Variants in HERC1 observed in about 807,000 individuals in gnomAD.
The protein encoded by HERC1 is HECT and RLD domain containing E3 ubiquitin protein ligase family member 1, also known as probable E3 ubiquitin-protein ligase HERC1.
A neutral mutation model predicts 554.3 loss-of-function variants in HERC1; 160 were observed. The observed-to-expected ratio is 0.29, with a 90% confidence interval of 0.25 to 0.33. The LOEUF (loss-of-function observed/expected upper bound fraction) is 0.33, where lower values mean the gene tolerates loss of function less well. Ranked by LOEUF, HERC1 falls within the 10% of genes least tolerant of loss-of-function variation. The pLI is 1.00. For synonymous variants in HERC1, 2,175 were observed against 2,131.7 expected (o/e 1.02, Z -0.56); for missense variants, 4,919 against 5,918.5 (o/e 0.83, Z 5.54).
chr15:63,721,872 G>A (rs1368141158), intron 19 of HERC1, among the ~76,000 whole-genome samples: 1 of 152,122 alleles, frequency 6.6e-6, no homozygotes, highest in East Asian at 1.9e-4. Context: ...GTTGTTGCTT[G>A]TTTTTTGAGG....
intron 1 of HERC1, among the ~76,000 whole-genome samples, chr15:63,829,823 G>A (rs933631212): frequency 6.6e-6 from 1 of 151,608 alleles, no homozygotes; most frequent in Non-Finnish European, 1.5e-5. Flanking sequence ...AAAGGGTAGA[G>A]GCCAACCTGA....
In HERC1 at chr15:63,674,828, T is replaced by TAC; in HGVS notation, c.7358_7359dup (p.Thr2454ValfsTer16). ...TCATTTTCTGATTTGGAGCTTGTGG[T>TAC]ACTCTGACTTTTGACGTCATCAGAT... On this transcript the variant is annotated frameshift_variant, in exon 38 of 78. Coordinates refer to ENST00000443617, the MANE Select transcript of HERC1 (RefSeq NM_003922.4). LOFTEE classifies it high-confidence loss of function. 6.2e-7 allele frequency: 1 copy of TAC among 1,613,912 alleles called. No homozygotes were observed. Among genetic ancestry groups the TAC allele is most frequent in the Non-Finnish European group, 8.5e-7 (1 of 1,179,824 alleles).
At chr15:63,744,475 C>G (rs1357200148) in intron 12 of HERC1, among the ~76,000 whole-genome samples, 1 of 152,156 alleles carries the variant, frequency 6.6e-6, no homozygotes, top group Non-Finnish European at 1.5e-5. Flanking sequence ...GAGGTGCCAT[C>G]TGGGAGTCAG....
At chr15:63,796,558 A>C (rs574524829) in intron 1 of HERC1, among the ~76,000 whole-genome samples, 38 of 152,348 alleles carry the variant, frequency 2.5e-4, no homozygotes, top group African/African-American at 8.2e-4. Flanking sequence ...TTATTTTGCC[A>C]AGGTTAAGGA....
At chr15:63,800,839 G>A (rs1218764969) in intron 1 of HERC1, among the ~76,000 whole-genome samples, 1 of 152,042 alleles carries the variant, frequency 6.6e-6, no homozygotes, top group African/African-American at 2.4e-5. Context: ...GTGACTCTTA[G>A]TGGGCCCTTA....
intron 26 of HERC1, 34 bp from the exon 27 acceptor site, chr15:63,696,373 C>T (rs2072413403): frequency 4.7e-6 from 7 of 1,484,522 alleles, no homozygotes; most frequent in Non-Finnish European, 4.6e-6. Context: ...GAGTTCTTCA[C>T]TTAACTCAGA....
chr15:63,764,689 A>AC (rs1013355912), intron 2 of HERC1, among the ~76,000 whole-genome samples: 1 of 152,004 alleles, frequency 6.6e-6, no homozygotes, highest in Non-Finnish European at 1.5e-5. Flanking sequence ...CAGTGTTACA[A>AC]CCCCCACCAC....
chr15:63,670,283 G>A (rs905325189), intron 39 of HERC1, among the ~76,000 whole-genome samples: 1 of 152,212 alleles, frequency 6.6e-6, no homozygotes, highest in African/African-American at 2.4e-5. Context: ...CGATGAGAAT[G>A]TGGAGCATGG....
At chr15:63,666,317 T>C (rs1389613246) in intron 41 of HERC1, 39 bp downstream of exon 41, 1 of 1,455,300 alleles carries the variant, frequency 6.9e-7, no homozygotes, top group Non-Finnish European at 9.6e-7. Context: ...CTAGGACTTC[T>C]CATATCTGTA....
chr15:63,695,815 G>A (rs1175156800), intron 27 of HERC1, among the ~76,000 whole-genome samples: 1 of 152,100 alleles, frequency 6.6e-6, no homozygotes, highest in Non-Finnish European at 1.5e-5. Context: ...AATCTAAAAC[G>A]TAAGCTCTTG....
chr15:63,710,417 T>C lies in HERC1; in HGVS notation c.4584+2358A>G, dbSNP rs1044964057. Among the ~76,000 whole-genome samples, 12 of 152,186 alleles carry C rather than the reference T, an allele frequency of 7.9e-5. 1 individual carries two copies. Among genetic ancestry groups the C allele is most frequent in the Admixed American group, 3.3e-4 (5 of 15,270 alleles). On this transcript the variant is annotated intron_variant, in intron 24 of 77. Coordinates refer to ENST00000443617, the MANE Select transcript of HERC1 (RefSeq NM_003922.4). ...TAAAGAAAGGAAAAAACCAAATGCA[T>C]GTGGAAATTTTGCCAAAATAGATTA... is the stretch of plus-strand genomic sequence containing the variant.
intron 1 of HERC1, among the ~76,000 whole-genome samples, chr15:63,829,499 T>TATAC (rs1336272062): frequency 5.6e-4 from 30 of 53,368 alleles, no homozygotes; most frequent in African/African-American, 1.5e-3. Flanking sequence ...TATATATATA[T>TATAC]ACACACACAC....
At chr15:63,759,417 A>C (rs532046315) in intron 3 of HERC1, among the ~76,000 whole-genome samples, 1 of 152,338 alleles carries the variant, frequency 6.6e-6, no homozygotes, top group African/African-American at 2.4e-5. Context: ...GCCTGCCAAA[A>C]GCATAGGACC....
intron 14 of HERC1, among the ~76,000 whole-genome samples, chr15:63,731,994 G>C (rs1231559251): frequency 4.0e-5 from 6 of 151,862 alleles, no homozygotes; most frequent in Admixed American, 3.9e-4. Context: ...GGGTCTGAAG[G>C]GTGGTGGTGG....
At chr15:63,643,783 A>T (rs2069186889) in intron 57 of HERC1, among the ~76,000 whole-genome samples, 1 of 152,102 alleles carries the variant, frequency 6.6e-6, no homozygotes, top group Admixed American at 6.6e-5. Flanking sequence ...CTAGTTTTCT[A>T]CTCTTCAAAC....
chr15:63,616,657 G>C lies in HERC1; in HGVS notation c.13714C>G (p.Leu4572Val). ...TTAAACTGCATTAAGTGTTCATCGA[G>C]GCAGGCAGAAGGGTTAAAAAGGAAC... ...DRFLFNPSAC[L>V]DEHLMQFKFL... Residue 4572 changes from leucine (L) to valine (V), a missense_variant, in exon 75 of 78, where the codon CTC (leucine) becomes GTC (valine). By Grantham distance (32) the Leu-to-Val change is conservative. This residue lies in a region of HERC1 where 284 missense variants were observed against 294.1 expected (regional missense o/e 0.97). Transcript: ENST00000443617. 1 of 1,613,718 alleles carries C rather than the reference G, an allele frequency of 6.2e-7. No individual in the cohort carries two copies. The highest frequency in any genetic ancestry group is 8.5e-7 in the Non-Finnish European group (1 of 1,179,788).
chr15:63,737,547 A>ATATC lies in HERC1; in HGVS notation c.2521-2699_2521-2698insGATA, dbSNP rs386383264. On this transcript the variant is annotated intron_variant, in intron 12 of 77. Coordinates refer to ENST00000443617, the MANE Select transcript of HERC1 (RefSeq NM_003922.4). ...TATATATATATATATATATATATAT[A>ATATC]TCTTTTTTTTTTTTAGTAGAGAAGG... Among the ~76,000 whole-genome samples the ATATC allele has an allele frequency of 7.4e-5, 3 of 40,560 alleles. 1 individual carries two copies. Among genetic ancestry groups the ATATC allele is most frequent in the Non-Finnish European group, 1.2e-4 (2 of 16,894 alleles). The allele number at this position is 40,560 out of a possible 152,430, so 26.6% of individuals were successfully genotyped here. A position where few individuals can be genotyped will look rare whatever the true frequency, so the allele number is the denominator to read the frequency against.
Position 63,774,985 on chromosome 15 carries a change from C to T in HERC1, c.639G>A (p.Lys213=), listed in dbSNP as rs2076075268. Residue 213 remains lysine, a synonymous_variant, in exon 2 of 78, where the codon AAG becomes AAA. Coordinates refer to ENST00000443617, the MANE Select transcript of HERC1 (RefSeq NM_003922.4). Reference sequence around the variant, plus strand: ...AGCAGTCCAAGCCCATAGGAGGAATCTTGCTTTCATTTGCTAATGATAATG... The same window carrying T: ...AGCAGTCCAAGCCCATAGGAGGAATTTTGCTTTCATTTGCTAATGATAATG... ...LPPLSLANES[K]IPPMGLDCLS... 1 of 1,613,922 alleles carries T rather than the reference C, an allele frequency of 6.2e-7. No homozygotes were observed. Among genetic ancestry groups the T allele is most frequent in the African/African-American group, 1.3e-5 (1 of 74,934 alleles).
chr15:63,653,647 A>G (rs2069835673), intron 51 of HERC1, among the ~76,000 whole-genome samples: 2 of 152,178 alleles, frequency 1.3e-5, no homozygotes, highest in Non-Finnish European at 2.9e-5. Flanking sequence ...ACATATATAT[A>G]TCCTCCCATG....
Sources: gnomAD v4.1 joint callset for allele counts (sites outside exome capture counted in the v4.1 genomes callset) on GRCh38, gnomAD v4.1.1 for gene constraint, gnomAD v4.1.1 regional missense constraint, MANE v1.5 for transcripts, NCBI Gene and HGNC (gene_info 2026-07-23, HGNC 2026-07-21) for gene names.